The following LRP4 variants were observed in gnomAD, a reference collection of about 807,000 sequenced individuals.
LRP4 encodes LDL receptor related protein 4.
A neutral mutation model predicts 220.3 loss-of-function variants in LRP4; 95 were observed. The observed-to-expected ratio is 0.43, with a 90% CI of 0.37 to 0.51. The LOEUF (loss-of-function observed/expected upper bound fraction) is 0.51, where lower values mean the gene tolerates loss of function less well. LRP4 is among the 20% of genes least tolerant of loss of function. LRP4 has a pLI of 0.00. For synonymous variants in LRP4, 903 were observed against 954.6 expected, an observed-to-expected ratio of 0.95 and a Z score of 1.00; for missense variants, 1,925 against 2,567.0, an observed-to-expected ratio of 0.75 and a Z score of 5.40.
chr11:46,909,640 A>AAG (rs1941824150), intron 1 of LRP4, among the ~76,000 whole-genome samples: 4 of 146,048 alleles, frequency 2.7e-5, no homozygotes, highest in Admixed American at 1.4e-4. Context: ...AAAAAAAAAA[A>AAG]GGAGGAATCA....
rs111566966 is a variant in LRP4, at chr11:46,865,053, GA to G, written c.5155+65del. 2.3e-6 allele frequency: 3 copies of G among 1,332,224 alleles called. No homozygotes were observed. In the African/African-American group the frequency reaches 4.4e-5, roughly 19 times the overall value. The allele number at this position is 1,332,224 out of a possible 1,614,324, so 82.5% of individuals were successfully genotyped here. A position where few individuals can be genotyped will look rare whatever the true frequency, so the allele number is the denominator to read the frequency against. On this transcript the variant is annotated intron_variant, in intron 35 of 37. Transcript: ENST00000378623. ...CAGAGTCCCAATGAAGGTTATGAAA[GA>G]TATCAGTGGAGACTTAGATTCATTA...
chr11:46,909,279 C>A (rs1210579746), intron 1 of LRP4, among the ~76,000 whole-genome samples: 1 of 151,824 alleles, frequency 6.6e-6, no homozygotes, highest in African/African-American at 2.4e-5. Context: ...CTGGTGGCTA[C>A]CCCAGTGTGG....
In LRP4 at chr11:46,875,573, A is replaced by G; in HGVS notation, c.3808T>C (p.Trp1270Arg). 2 of 1,614,082 alleles carry G rather than the reference A, an allele frequency of 1.2e-6. No individual in the cohort carries two copies. The highest frequency in any genetic ancestry group is 1.7e-6 in the Non-Finnish European group (2 of 1,180,002). The change falls in exon 27 of 38, where the codon TGG (tryptophan) becomes CGG (arginine). Residue 1270 changes from tryptophan to arginine, a missense_variant. This residue lies in a region of LRP4 where 1,244 missense variants were observed against 1,624.9 expected (regional missense o/e 0.77). Transcript: ENST00000378623. This position sits in a 1 kb window ranked among gnomAD's most constrained non-coding sequence, Gnocchi z 4.5. Reference sequence around the variant, plus strand: ...GCACGGTGGATGCTCCGAGTCTGCCAGTCAGTCCAGTAGATATAGGAGTCG... The same window carrying G: ...GCACGGTGGATGCTCCGAGTCTGCCGGTCAGTCCAGTAGATATAGGAGTCG... ...LLDSYIYWTD[W>R]QTRSIHRADK...
intron 17 of LRP4, 60 bp downstream of exon 17, chr11:46,886,265 G>A (rs1025039019): frequency 1.2e-6 from 2 of 1,602,534 alleles, no homozygotes; most frequent in Non-Finnish European, 1.7e-6. Flanking sequence ...CAAAGGTATG[G>A]GAAGCCCTTC....
chr11:46,895,017 T>G (rs1592540885), intron 11 of LRP4, 149 bp downstream of exon 11: 1 of 1,021,754 alleles, frequency 9.8e-7, no homozygotes, highest in Non-Finnish European at 1.5e-6. Context: ...CCCAGCAGCA[T>G]TTTTCTTGGG....
intron 34 of LRP4, among the ~76,000 whole-genome samples, chr11:46,865,760 T>C (rs898067262): frequency 3.3e-5 from 5 of 152,148 alleles, no homozygotes; most frequent in African/African-American, 1.2e-4. Flanking sequence ...GCAAGAGCAT[T>C]TGGAACCAAG....
chr11:46,890,836 C>G lies in LRP4; in HGVS notation c.1698-342G>C, dbSNP rs1418706776. On this transcript the variant is annotated intron_variant, in intron 13 of 37. Transcript: ENST00000378623. The surrounding 1 kb of genome is among the most constrained non-coding windows in gnomAD (Gnocchi z 5.3). ...CTCAAACTCCTGAGCTCAAGCAATCCTCCTGCTTTGTCCTTTCAAAGTACT... is the reference window on the plus strand; with the variant it reads ...CTCAAACTCCTGAGCTCAAGCAATCGTCCTGCTTTGTCCTTTCAAAGTACT... 6.6e-6 allele frequency among the ~76,000 whole-genome samples: 1 copy of G among 152,164 alleles called. No individual in the cohort carries two copies. The highest frequency in any genetic ancestry group is 6.5e-5 in the Admixed American group (1 of 15,268).
rs770632442 is a variant in LRP4, at chr11:46,859,248, C to A, written c.5453G>T (p.Gly1818Val). The stretch of plus-strand genomic sequence containing the variant: ...GAGGTCATCCCACTCAGCATCATCC[C>A]CAGACAGGAGGCAGATTCCCTCTAC... ...KIVEGICLLS[G>V]DDAEWDDLKQ... Residue 1818 changes from glycine to valine, a missense_variant, in exon 38 of 38, where the codon GGG becomes GTG. Coordinates refer to ENST00000378623, the MANE Select transcript of LRP4 (RefSeq NM_002334.4). 6.2e-7 allele frequency: 1 copy of A among 1,614,106 alleles called. No homozygotes were observed.
intron 30 of LRP4, among the ~76,000 whole-genome samples, chr11:46,872,411 C>T (rs931162264): frequency 6.6e-6 from 1 of 152,164 alleles, no homozygotes; most frequent in African/African-American, 2.4e-5. Flanking sequence ...CCCCTTCCCC[C>T]TGCCCTTAGC....
chr11:46,897,262 CA>C (rs1454367199), intron 7 of LRP4, among the ~76,000 whole-genome samples: 1 of 151,370 alleles, frequency 6.6e-6, no homozygotes, highest in East Asian at 1.9e-4. Context: ...GCACAGTGCA[CA>C]ACCTACACAA....
At position 46,875,358 on chromosome 11, in the gene LRP4, C is replaced by T. The variant is rs1050374946; in HGVS notation, c.3925+98G>A. 8.7e-7 allele frequency: 1 copy of T among 1,155,878 alleles called. No individual in the cohort carries two copies. The highest frequency in any genetic ancestry group is 1.5e-5 in the African/African-American group (1 of 65,832). 71.6% of individuals were successfully genotyped at this position (1,155,878 alleles called of 1,614,324 possible). On this transcript the variant is annotated intron_variant, in intron 27 of 37. Coordinates refer to ENST00000378623, the MANE Select transcript of LRP4 (RefSeq NM_002334.4). The surrounding 1 kb of genome is among the most constrained non-coding windows in gnomAD (Gnocchi z 4.5). ...CTTAAACAGGTCACCGTCTTTCTGG[C>T]TGTAAAGGAGCTCTGTGCTCTGGAT...
At chr11:46,867,029 C>T (rs1006197603) in intron 34 of LRP4, among the ~76,000 whole-genome samples, 1 of 152,166 alleles carries the variant, frequency 6.6e-6, no homozygotes, top group Non-Finnish European at 1.5e-5. Flanking sequence ...CCTACCATCT[C>T]TTAAACAGGC....
At chr11:46,886,848 C>T (rs1941304548) in intron 16 of LRP4, among the ~76,000 whole-genome samples, 1 of 152,214 alleles carries the variant, frequency 6.6e-6, no homozygotes, top group Non-Finnish European at 1.5e-5. Flanking sequence ...TGCCCACTGC[C>T]AACCCCTGAC....
At chr11:46,911,815 T>A (rs1459632380) in intron 1 of LRP4, among the ~76,000 whole-genome samples, 1 of 151,198 alleles carries the variant, frequency 6.6e-6, no homozygotes, top group African/African-American at 2.4e-5. Context: ...TCTGAGCCTG[T>A]TTCCCATCTG....
At chr11:46,860,780 C>G (rs1940524449) in intron 37 of LRP4, 1 of 162,284 alleles carries the variant, frequency 6.2e-6, no homozygotes, top group Non-Finnish European at 1.3e-5. Flanking sequence ...GTTCACCCAG[C>G]ACACCCTCCA....
chr11:46,873,517 C>A lies in LRP4; in HGVS notation c.4306G>T (p.Asp1436Tyr). The A allele has an allele frequency of 6.2e-7, 1 of 1,614,234 alleles. No individual in the cohort carries two copies. The highest frequency in any genetic ancestry group is 8.5e-7 in the Non-Finnish European group (1 of 1,180,046). ...CAGTACAGGTTCCTGGCCACCCAGT[C>A]CACTGCCAGCCCGTCAGTGGTCTTC... ...GLKTTDGLAV[D>Y]WVARNLYWTD... The change falls in exon 29 of 38, where the codon GAC (aspartate) becomes TAC (tyrosine). Residue 1436 changes from aspartate to tyrosine, a missense_variant. By Grantham distance (160) the Asp-to-Tyr change is radical. Around this residue, in one of 3 missense-constraint regions of LRP4, gnomAD observed 1,244 missense variants for 1,624.9 expected, o/e 0.77. Transcript: ENST00000378623. This position sits in a 1 kb window ranked among gnomAD's most constrained non-coding sequence, Gnocchi z 4.2.
intron 37 of LRP4, among the ~76,000 whole-genome samples, chr11:46,860,276 A>G (rs899872712): frequency 5.9e-5 from 9 of 151,838 alleles, no homozygotes; most frequent in Non-Finnish European, 1.2e-4. Flanking sequence ...ACTAAAAAAA[A>G]GGAAATCTTC....
chr11:46,858,854 G>A lies in LRP4; in HGVS notation c.*129C>T, dbSNP rs1214211469. On this transcript the variant is annotated 3_prime_UTR_variant, in exon 38 of 38. Coordinates refer to ENST00000378623, the MANE Select transcript of LRP4 (RefSeq NM_002334.4). Reference sequence around the variant, plus strand: ...GTAAACAGCTCCGGTGAAGGCTTAGGAACAGTTATGGGGTGGGAGGAGGAG... The same window carrying A: ...GTAAACAGCTCCGGTGAAGGCTTAGAAACAGTTATGGGGTGGGAGGAGGAG... 60 of 879,448 alleles carry A rather than the reference G, an allele frequency of 6.8e-5. No homozygotes were observed. Among genetic ancestry groups the A allele is most frequent in the Non-Finnish European group, 1.1e-4 (60 of 527,862 alleles). 54.5% of individuals were successfully genotyped at this position (879,448 alleles called of 1,614,324 possible). A position where few individuals can be genotyped will look rare whatever the true frequency, so the allele number is the denominator to read the frequency against.
In LRP4 at chr11:46,875,668, G is replaced by A; in HGVS notation, c.3713C>T (p.Ala1238Val). 1 of 1,614,164 alleles carries A rather than the reference G, an allele frequency of 6.2e-7. No individual in the cohort carries two copies. The highest frequency in any genetic ancestry group is 8.5e-7 in the Non-Finnish European group (1 of 1,180,022). The change falls in exon 27 of 38, where the codon GCT becomes GTT. Residue 1238 changes from alanine to valine, a missense_variant. Physicochemically the swap from Ala to Val is moderately conservative, Grantham distance 64. Transcript: ENST00000378623. The surrounding 1 kb of genome is among the most constrained non-coding windows in gnomAD (Gnocchi z 4.5). ...ADAHTERIEA[A>V]DLNGANRHTL... ...ATGCCGATTGGCACCATTCAGGTCA[G>A]CAGCCTCAATTCGCTGCAGAGGAAG...
Sources: gnomAD v4.1 joint callset for allele counts (sites outside exome capture counted in the v4.1 genomes callset) on GRCh38, gnomAD v4.1.1 for gene constraint, gnomAD v4.1.1 regional missense constraint, Gnocchi (gnomAD v3.1) non-coding constraint, MANE v1.5 for transcripts, NCBI Gene and HGNC (gene_info 2026-07-23, HGNC 2026-07-21) for gene names.